The following HS6ST3 variants were observed in gnomAD, a reference collection of about 807,000 sequenced individuals.
HS6ST3 encodes heparan-sulfate 6-O-sulfotransferase 3.
In HS6ST3, 12 loss-of-function variants were observed where a neutral mutation model predicts 36.7. The observed-to-expected ratio is 0.33, with a 90% CI of 0.21 to 0.53. HS6ST3 has a LOEUF of 0.53. Among genes scored for constraint, HS6ST3 ranks in the 20% least tolerant of loss-of-function variants. The pLI, the probability that HS6ST3 is intolerant of heterozygous loss-of-function variation, is 0.95. For missense variants in HS6ST3, 584 were observed against 640.9 expected (o/e 0.91, Z 0.96); for synonymous variants, 240 against 257.5 (o/e 0.93, Z 0.65).
chr13:96,197,159 T>A (rs1413982658), intron 1 of HS6ST3, among the ~76,000 whole-genome samples: 1 of 152,244 alleles, frequency 6.6e-6, no homozygotes, highest in Admixed American at 6.5e-5. Context: ...TTCATGCTGC[T>A]GATAAAGACA....
chr13:96,621,505 C>T lies in HS6ST3; in HGVS notation c.708-210985C>T, dbSNP rs143432892. ...CATGTGGAACTGTGAGTCAATTAAA[C>T]CTCCTTTCTTTATAAATTACCCAGT... On this transcript the variant is annotated intron_variant, in intron 1 of 1. Transcript: ENST00000376705. Among the ~76,000 whole-genome samples the T allele has an allele frequency of 5.4e-4, 82 of 152,240 alleles. No individual in the cohort carries two copies. In the East Asian group the frequency reaches 0.014, roughly 27 times the overall value.
intron 1 of HS6ST3, among the ~76,000 whole-genome samples, chr13:96,588,863 A>G (rs1431056108): frequency 6.6e-6 from 1 of 151,782 alleles, no homozygotes; most frequent in Non-Finnish European, 1.5e-5. Context: ...CAGCCTGGCC[A>G]ACATAGCAAA....
chr13:96,392,993 G>T (rs2055403515), intron 1 of HS6ST3, among the ~76,000 whole-genome samples: 1 of 152,182 alleles, frequency 6.6e-6, no homozygotes, highest in Non-Finnish European at 1.5e-5. Context: ...GACCTGGTGG[G>T]AGATGATTGA....
intron 1 of HS6ST3, among the ~76,000 whole-genome samples, chr13:96,468,050 G>A (rs1439984297): frequency 6.6e-6 from 1 of 152,088 alleles, no homozygotes; most frequent in Non-Finnish European, 1.5e-5. Flanking sequence ...TCAGTCCTAC[G>A]TTTCTTTATG....
At chr13:96,597,190 G>C (rs903410249) in intron 1 of HS6ST3, among the ~76,000 whole-genome samples, 4 of 152,070 alleles carry the variant, frequency 2.6e-5, no homozygotes, top group African/African-American at 9.7e-5. Flanking sequence ...GCCTACTGGA[G>C]GGCGAAGGGT....
intron 1 of HS6ST3, among the ~76,000 whole-genome samples, chr13:96,773,594 C>T (rs1877322580): frequency 6.6e-6 from 1 of 152,192 alleles, no homozygotes. Flanking sequence ...ACAGCAGCGC[C>T]TCAAAGCTGC....
At chr13:96,258,325 G>A (rs984073060) in intron 1 of HS6ST3, among the ~76,000 whole-genome samples, 3 of 152,196 alleles carry the variant, frequency 2.0e-5, no homozygotes, top group Middle Eastern at 3.4e-3. Context: ...TCATCTTATT[G>A]TCTAGTTTCT....
At chr13:96,316,614 T>C (rs2054971410) in intron 1 of HS6ST3, among the ~76,000 whole-genome samples, 1 of 152,216 alleles carries the variant, frequency 6.6e-6, no homozygotes, top group Admixed American at 6.5e-5. Context: ...CTCCCCTAAA[T>C]GATGAGAAAA....
chr13:96,493,428 G>C (rs966685129), intron 1 of HS6ST3, among the ~76,000 whole-genome samples: 9 of 152,168 alleles, frequency 5.9e-5, no homozygotes, highest in Middle Eastern at 3.4e-3. Flanking sequence ...GATCATTTAG[G>C]TTTTAGGAGG....
intron 1 of HS6ST3, among the ~76,000 whole-genome samples, chr13:96,765,228 G>A (rs918478195): frequency 2.0e-5 from 3 of 151,834 alleles, no homozygotes; most frequent in Admixed American, 1.3e-4. Context: ...AGCCGCCACC[G>A]CGCCTGGCTA....
At chr13:96,324,219 G>A (rs1311028325) in intron 1 of HS6ST3, among the ~76,000 whole-genome samples, 1 of 152,154 alleles carries the variant, frequency 6.6e-6, no homozygotes, top group African/African-American at 2.4e-5. Flanking sequence ...TTTATTGAGT[G>A]GCTAACCACT....
chr13:96,137,559 G>A (rs138694984), intron 1 of HS6ST3, among the ~76,000 whole-genome samples: 3,059 of 151,314 alleles, frequency 0.02, 88 homozygotes, highest in African/African-American at 0.068. Flanking sequence ...TCAGCTTCCC[G>A]AGTAGCTGGG....
chr13:96,757,259 A>G (rs902747302), intron 1 of HS6ST3, among the ~76,000 whole-genome samples: 9 of 152,198 alleles, frequency 5.9e-5, no homozygotes, highest in Non-Finnish European at 1.3e-4. Flanking sequence ...TATTTGACAT[A>G]TTCTATTAGC....
At chr13:96,829,507 G>A (rs1269974968) in intron 1 of HS6ST3, among the ~76,000 whole-genome samples, 1 of 151,932 alleles carries the variant, frequency 6.6e-6, no homozygotes, top group Non-Finnish European at 1.5e-5. Flanking sequence ...ATAGGCCCCA[G>A]TGTCTGTTGT....
chr13:96,403,755 C>T (rs1332486216), intron 1 of HS6ST3, among the ~76,000 whole-genome samples: 1 of 152,182 alleles, frequency 6.6e-6, no homozygotes, highest in Non-Finnish European at 1.5e-5. Flanking sequence ...AACTTCAATG[C>T]TTTCATTAGC....
intron 1 of HS6ST3, among the ~76,000 whole-genome samples, chr13:96,495,818 G>A (rs1041721908): frequency 3.3e-5 from 5 of 152,112 alleles, no homozygotes; most frequent in African/African-American, 1.2e-4. Context: ...TACATTGTGA[G>A]CAAAACATCA....
At chr13:96,754,749 G>A (rs1228641726) in intron 1 of HS6ST3, among the ~76,000 whole-genome samples, 1 of 152,056 alleles carries the variant, frequency 6.6e-6, no homozygotes, top group African/African-American at 2.4e-5. Flanking sequence ...GAAGATCTGT[G>A]CATTCTTTTT....
intron 1 of HS6ST3, among the ~76,000 whole-genome samples, chr13:96,758,844 G>A (rs1467978464): frequency 6.6e-6 from 1 of 151,880 alleles, no homozygotes; most frequent in African/African-American, 2.4e-5. Flanking sequence ...GTTGTTGGAT[G>A]TAGCATTCTA....
At chr13:96,151,679 C>A (rs2054085764) in intron 1 of HS6ST3, among the ~76,000 whole-genome samples, 1 of 152,172 alleles carries the variant, frequency 6.6e-6, no homozygotes, top group Non-Finnish European at 1.5e-5. Context: ...AGTCCTAAAC[C>A]AAGGTGTCGG....
Sources: allele counts gnomAD v4.1 joint callset (sites outside exome capture counted in the v4.1 genomes callset), GRCh38; gene constraint gnomAD v4.1.1; transcripts MANE v1.5; gene names NCBI Gene and HGNC (gene_info 2026-07-23, HGNC 2026-07-21).